CSMD1: variants seen among roughly 807,000 people sequenced by gnomAD.
The protein encoded by CSMD1 is CUB and sushi domain-containing protein 1.
Under a neutral mutation model 417.5 loss-of-function variants are expected in CSMD1, and 213 were observed. The ratio of observed to expected loss-of-function variants is 0.51; its 90% CI spans 0.46 to 0.57. The LOEUF (loss-of-function observed/expected upper bound fraction) is 0.57, where lower values mean the gene tolerates loss of function less well. CSMD1 is among the 20% of genes least tolerant of loss of function. The pLI is 0.00. For synonymous variants in CSMD1, 2,862 were observed against 1,736.8 expected, an observed-to-expected ratio of 1.65 and a Z score of -16.11; for missense variants, 6,923 against 4,529.7, an observed-to-expected ratio of 1.53 and a Z score of -15.17.
intron 3 of CSMD1, among the ~76,000 whole-genome samples, chr8:4,173,342 T>C (rs2131145453): frequency 6.6e-6 from 1 of 152,256 alleles, no homozygotes; most frequent in African/African-American, 2.4e-5. Flanking sequence ...CCTAACCAGA[T>C]ATTCAGTATG....
chr8:4,262,478 C>G (rs1207130362), intron 3 of CSMD1, among the ~76,000 whole-genome samples: 3 of 152,174 alleles, frequency 2.0e-5, no homozygotes, highest in African/African-American at 7.2e-5. Flanking sequence ...TATTATATTT[C>G]CCTTGCTATT....
chr8:4,003,114 C>T (rs1047977866), intron 4 of CSMD1, among the ~76,000 whole-genome samples: 2 of 152,114 alleles, frequency 1.3e-5, no homozygotes, highest in Admixed American at 1.3e-4. Flanking sequence ...AAGATACAGG[C>T]TTGGCGCGGT....
intron 12 of CSMD1, among the ~76,000 whole-genome samples, chr8:3,432,884 T>G (rs1814307644): frequency 6.6e-6 from 1 of 152,180 alleles, no homozygotes; most frequent in Non-Finnish European, 1.5e-5. Context: ...ATCAGAGTAA[T>G]GCCTAAACAC....
chr8:4,184,304 G>A lies in CSMD1; in HGVS notation c.416-152205C>T, dbSNP rs151224263. On this transcript the variant is annotated intron_variant, in intron 3 of 69. Coordinates refer to ENST00000635120, the MANE Select transcript of CSMD1 (RefSeq NM_033225.6). ...TAACGCTATTCAGGAATTAATGGCT[G>A]AGGCTAACTCTTAAACATGAGTTTT... is the stretch of plus-strand genomic sequence containing the variant. Among the ~76,000 whole-genome samples, 186 of 152,266 alleles carry A rather than the reference G, an allele frequency of 1.2e-3. 1 individual carries two copies. Among genetic ancestry groups the A allele is most frequent in the South Asian group, 0.011 (52 of 4,822 alleles).
chr8:4,046,990 C>T (rs1178971805), intron 3 of CSMD1, among the ~76,000 whole-genome samples: 1 of 152,194 alleles, frequency 6.6e-6, no homozygotes, highest in Non-Finnish European at 1.5e-5. Context: ...TTCCAGAACC[C>T]TCCCTGATGC....
chr8:3,293,544 C>G (rs905920727), intron 25 of CSMD1, among the ~76,000 whole-genome samples: 2 of 152,042 alleles, frequency 1.3e-5, no homozygotes, highest in African/African-American at 2.4e-5. Context: ...CTTTTTTTCT[C>G]TAAACTTCTC....
At chr8:4,710,573 C>G (rs1485796717) in intron 1 of CSMD1, among the ~76,000 whole-genome samples, 2 of 150,730 alleles carry the variant, frequency 1.3e-5, no homozygotes, top group African/African-American at 2.4e-5. Flanking sequence ...CTTCTGGGTG[C>G]GGTGGCTCAC....
intron 7 of CSMD1, among the ~76,000 whole-genome samples, chr8:3,672,700 G>T (rs982977061): frequency 6.6e-6 from 1 of 152,136 alleles, no homozygotes; most frequent in African/African-American, 2.4e-5. Flanking sequence ...TCCAGTGATG[G>T]GCATGGTGGT....
At chr8:2,992,306 G>A (rs372066714) in intron 54 of CSMD1, among the ~76,000 whole-genome samples, 2 of 152,194 alleles carry the variant, frequency 1.3e-5, no homozygotes, top group East Asian at 3.9e-4. Flanking sequence ...GTTTTGGGGT[G>A]ATGAAACATC....
chr8:4,415,129 C>T (rs539508789), intron 3 of CSMD1, among the ~76,000 whole-genome samples: 1 of 152,162 alleles, frequency 6.6e-6, no homozygotes, highest in Admixed American at 6.5e-5. Flanking sequence ...AACGTAAACT[C>T]AATTTTCTAC....
chr8:4,177,544 T>C lies in CSMD1; in HGVS notation c.416-145445A>G, dbSNP rs192029571. 2.0e-3 allele frequency among the ~76,000 whole-genome samples: 309 copies of C among 152,034 alleles called. 8 individuals carry two copies. The highest frequency in any genetic ancestry group is 2.1e-4 in the Non-Finnish European group (14 of 67,992). On this transcript the variant is annotated intron_variant, in intron 3 of 69. Transcript: ENST00000635120. ...AACTAGAAAAACAAGAGCAAACACA[T>C]TCAAAGCTAGCAGAAGGCAAGAAAT...
chr8:4,493,130 G>A (rs1217658), intron 2 of CSMD1, among the ~76,000 whole-genome samples: 131,021 of 152,164 alleles, frequency 0.86, 56,675 homozygotes, highest in South Asian at 0.92. Flanking sequence ...CTCTGGTACC[G>A]TAAGAAGACT....
chr8:3,995,253 T>G (rs1381618730), intron 5 of CSMD1, among the ~76,000 whole-genome samples: 3 of 152,206 alleles, frequency 2.0e-5, no homozygotes, highest in African/African-American at 4.8e-5. Flanking sequence ...GAGAACCATC[T>G]TTTGCTTTTC....
Position 3,203,053 on chromosome 8 carries a change from T to A in CSMD1, c.4985-1328A>T, listed in dbSNP as rs545365155. Among the ~76,000 whole-genome samples, 7 of 152,170 alleles carry A rather than the reference T, an allele frequency of 4.6e-5. No individual in the cohort carries two copies. The East Asian group carries it at 1.4e-3, about 29-fold the overall frequency. Reference sequence around the variant, plus strand: ...TCATACTGGAGGCCCAAAACTTGGGTCACAAAAGTGAATCATCCACAGATA... The same window carrying A: ...TCATACTGGAGGCCCAAAACTTGGGACACAAAAGTGAATCATCCACAGATA... On this transcript the variant is annotated intron_variant, in intron 31 of 69. Transcript: ENST00000635120.
At chr8:3,341,622 G>A (rs1357530881) in intron 23 of CSMD1, among the ~76,000 whole-genome samples, 2 of 152,140 alleles carry the variant, frequency 1.3e-5, no homozygotes, top group Non-Finnish European at 2.9e-5. Context: ...AGGAGAGAGG[G>A]AGGATCCCAG....
At chr8:4,692,556 G>T (rs896298454) in intron 1 of CSMD1, among the ~76,000 whole-genome samples, 5 of 152,098 alleles carry the variant, frequency 3.3e-5, no homozygotes, top group Admixed American at 6.6e-5. Flanking sequence ...CATGAAGAGG[G>T]CCGGGAAGAC....
intron 5 of CSMD1, among the ~76,000 whole-genome samples, chr8:3,892,025 C>G (rs199945985): frequency 4.3e-5 from 1 of 23,236 alleles, no homozygotes; most frequent in East Asian, 3.6e-3. Flanking sequence ...TAGTCGCAAA[C>G]AAAAAAAAAA....
At chr8:4,242,395 C>G (rs1236985593) in intron 3 of CSMD1, among the ~76,000 whole-genome samples, 1 of 152,080 alleles carries the variant, frequency 6.6e-6, no homozygotes, top group East Asian at 1.9e-4. Context: ...AACACTTCCC[C>G]CACCCAGCAA....
At chr8:4,061,033 G>A (rs541618941) in intron 3 of CSMD1, among the ~76,000 whole-genome samples, 1 of 149,758 alleles carries the variant, frequency 6.7e-6, no homozygotes, top group South Asian at 2.2e-4. Context: ...TACCCATTGT[G>A]ATTAATTTAT....
Sources: allele counts gnomAD v4.1 joint callset (sites outside exome capture counted in the v4.1 genomes callset), GRCh38; gene constraint gnomAD v4.1.1; transcripts MANE v1.5; gene names NCBI Gene and HGNC (gene_info 2026-07-23, HGNC 2026-07-21).